Variants in ZC2HC1B observed in about 807,000 individuals in gnomAD.
ZC2HC1B encodes the protein zinc finger C2HC domain-containing protein 1B.
ZC2HC1B carries 36 observed loss-of-function variants against 31.0 expected under a neutral mutation model. That is an observed-to-expected ratio of 1.16 (90% CI 0.89 to 1.54). The LOEUF is 1.54. ZC2HC1B is among the 40% of genes most tolerant of loss of function. The pLI, the probability that ZC2HC1B is intolerant of heterozygous loss-of-function variation, is 0.00. For missense variants in ZC2HC1B, 260 were observed against 268.6 expected (o/e 0.97, Z 0.22); for synonymous variants, 73 against 88.0 (o/e 0.83, Z 0.95).
intron 6 of ZC2HC1B, among the ~76,000 whole-genome samples, chr6:143,931,519 A>G (rs976107044): frequency 3.9e-5 from 6 of 152,170 alleles, no homozygotes; most frequent in Admixed American, 2.0e-4. Context: ...TAGTGCTGGC[A>G]TGGTAGTGGT....
In ZC2HC1B at chr6:143,918,921, C is replaced by T. The variant is rs73000549; in HGVS notation, c.598+15769C>T. Among the ~76,000 whole-genome samples the T allele has an allele frequency of 2.6e-5, 4 of 152,022 alleles. No homozygotes were observed. The highest frequency in any genetic ancestry group is 4.2e-4 in the South Asian group (2 of 4,816). On this transcript the variant is annotated intron_variant, in intron 6 of 7. Transcript: ENST00000237275. This position sits in a 1 kb window ranked among gnomAD's most constrained non-coding sequence, Gnocchi z 4.1. ...TTGGTTTCTTTTCAGGATTTATCTT[C>T]GTGGATATTTCCATTTTGTTCATAG...
At chr6:143,881,393 A>G (rs534987552) in intron 1 of ZC2HC1B, among the ~76,000 whole-genome samples, 175 of 152,010 alleles carry the variant, frequency 1.2e-3, no homozygotes, top group African/African-American at 4.0e-3. Context: ...TCCACAAAAA[A>G]TAAAAAAGCT....
In ZC2HC1B at chr6:143,903,302, A is replaced by T. The variant is rs1777757918; in HGVS notation, c.598+150A>T. 1.5e-6 allele frequency: 1 copy of T among 677,274 alleles called. No individual in the cohort carries two copies. Among genetic ancestry groups the T allele is most frequent in the East Asian group, 2.8e-5 (1 of 36,340 alleles). The allele number at this position is 677,274 out of a possible 1,614,324, so 42.0% of individuals were successfully genotyped here. A position where few individuals can be genotyped will look rare whatever the true frequency, so the allele number is the denominator to read the frequency against. On this transcript the variant is annotated intron_variant, in intron 6 of 7. Transcript: ENST00000237275. The surrounding 1 kb of genome is among the most constrained non-coding windows in gnomAD (Gnocchi z 4.3). ...ATATTTGGGTTAGAGGTTAAAGCTT[A>T]TTTGCCAAAAGGGAATATTTCTTAA...
chr6:143,936,575 G>A (rs1778181012), intron 6 of ZC2HC1B, among the ~76,000 whole-genome samples: 1 of 152,196 alleles, frequency 6.6e-6, no homozygotes, highest in Non-Finnish European at 1.5e-5. Context: ...GCTGTTTTCT[G>A]GAGGCTTTTG....
intron 4 of ZC2HC1B, among the ~76,000 whole-genome samples, chr6:143,889,123 T>C (rs751965278): frequency 6.6e-6 from 1 of 152,058 alleles, no homozygotes; most frequent in Non-Finnish European, 1.5e-5. Context: ...AAGGTTCTTA[T>C]ATTATACATG....
chr6:143,930,544 C>T (rs1016014043), intron 6 of ZC2HC1B, among the ~76,000 whole-genome samples: 4 of 152,040 alleles, frequency 2.6e-5, no homozygotes, highest in East Asian at 1.9e-4. Context: ...CCCGCCACCA[C>T]GCCCGGCTAA....
rs780698876 is a variant in ZC2HC1B, at chr6:143,898,518, G to T, written c.350-34G>T. The T allele has an allele frequency of 4.9e-5, 76 of 1,548,904 alleles. 1 individual carries two copies. Among genetic ancestry groups the T allele is most frequent in the Middle Eastern group, 3.3e-4 (2 of 5,978 alleles). On this transcript the variant is annotated intron_variant, in intron 4 of 7. Coordinates refer to ENST00000237275, the MANE Select transcript of ZC2HC1B (RefSeq NM_001013623.3). ...AGTATTCTATAGTTGTTTTTGAAGTGCTAATTGCCATTTGTTGTTATCTTT... is the reference window on the plus strand; with the variant it reads ...AGTATTCTATAGTTGTTTTTGAAGTTCTAATTGCCATTTGTTGTTATCTTT...
At position 143,885,902 on chromosome 6, in the gene ZC2HC1B, C is replaced by A; in HGVS notation, c.91-130C>A. 9.8e-7 allele frequency: 1 copy of A among 1,021,280 alleles called. No homozygotes were observed. The highest frequency in any genetic ancestry group is 1.3e-6 in the Non-Finnish European group (1 of 760,648). 63.3% of individuals were successfully genotyped at this position (1,021,280 alleles called of 1,614,324 possible). ...GCCAGATGGATTTGCTCTGCTGTGA[C>A]CTGTTAGAGAATGAACTAGGCTCTG... On this transcript the variant is annotated intron_variant, in intron 2 of 7. Coordinates refer to ENST00000237275, the MANE Select transcript of ZC2HC1B (RefSeq NM_001013623.3). This position sits in a 1 kb window ranked among gnomAD's most constrained non-coding sequence, Gnocchi z 4.2.
In ZC2HC1B at chr6:143,937,753, G is replaced by A. The variant is rs118175463; in HGVS notation, c.*14+20G>A. On this transcript the variant is annotated intron_variant, in intron 7 of 7. Coordinates refer to ENST00000237275, the MANE Select transcript of ZC2HC1B (RefSeq NM_001013623.3). The stretch of plus-strand genomic sequence containing the variant: ...AGCCAGGTAAGAAAAAAAAATCACC[G>A]CTAATCCAGCTGTTGCTGACCAGTT... The A allele has an allele frequency of 1.3e-4, 191 of 1,511,196 alleles. 4 individuals carry two copies. In the South Asian group the frequency reaches 2.1e-3, roughly 17 times the overall value. The allele number at this position is 1,511,196 out of a possible 1,614,324, so 93.6% of individuals were successfully genotyped here.
intron 4 of ZC2HC1B, among the ~76,000 whole-genome samples, chr6:143,888,092 TAA>T (rs1777552350): frequency 1.3e-5 from 2 of 152,118 alleles, no homozygotes; most frequent in Admixed American, 6.5e-5. Flanking sequence ...GTGTGTAATA[TAA>T]GTTTCCAACA....
rs537864599 is a variant in ZC2HC1B, at chr6:143,893,373, C to T, written c.350-5179C>T. Among the ~76,000 whole-genome samples, 62 of 151,990 alleles carry T rather than the reference C, an allele frequency of 4.1e-4. 1 individual carries two copies. Among genetic ancestry groups the T allele is most frequent in the South Asian group, 4.2e-4 (2 of 4,808 alleles). On this transcript the variant is annotated intron_variant, in intron 4 of 7. Coordinates refer to ENST00000237275, the MANE Select transcript of ZC2HC1B (RefSeq NM_001013623.3). ...TGAGGCCGGGAGTTTGAGACCAGCCCGGCCAACATGGCAAAACCCTGTCTC... is the reference window on the plus strand; with the variant it reads ...TGAGGCCGGGAGTTTGAGACCAGCCTGGCCAACATGGCAAAACCCTGTCTC...
chr6:143,897,827 C>T (rs1189576482), intron 4 of ZC2HC1B, among the ~76,000 whole-genome samples: 1 of 152,208 alleles, frequency 6.6e-6, no homozygotes, highest in Non-Finnish European at 1.5e-5. Flanking sequence ...AACTCTGTAA[C>T]TTCTCTAAGA....
At chr6:143,867,327 G>C (rs1777276720) in intron 1 of ZC2HC1B, among the ~76,000 whole-genome samples, 1 of 152,114 alleles carries the variant, frequency 6.6e-6, no homozygotes, top group Non-Finnish European at 1.5e-5. Context: ...TTAGCTTTTT[G>C]AGGTCAGTGT....
chr6:143,919,788 C>T (rs916312183), intron 6 of ZC2HC1B, among the ~76,000 whole-genome samples: 6 of 152,158 alleles, frequency 3.9e-5, no homozygotes, highest in African/African-American at 1.4e-4. Flanking sequence ...TCTTACTGTT[C>T]AAGCCTTCCC....
rs904187306 is a variant in ZC2HC1B at position 143,923,692 on chromosome 6, T to C, written c.599-13957T>C. On this transcript the variant is annotated intron_variant, in intron 6 of 7. Coordinates refer to ENST00000237275, the MANE Select transcript of ZC2HC1B (RefSeq NM_001013623.3). This position sits in a 1 kb window ranked among gnomAD's most constrained non-coding sequence, Gnocchi z 4.8. ...TGGATATCCAGTTTTCCCTGTACCA[T>C]TATTGAAGAGGATGCCTTTCCCCAA... Among the ~76,000 whole-genome samples the C allele has an allele frequency of 2.6e-5, 4 of 152,156 alleles. No homozygotes were observed. Among genetic ancestry groups the C allele is most frequent in the Non-Finnish European group, 5.9e-5 (4 of 67,996 alleles).
In ZC2HC1B at chr6:143,871,517, C is replaced by T. The variant is rs571287043; in HGVS notation, c.28+6950C>T. 3.3e-5 allele frequency among the ~76,000 whole-genome samples: 5 copies of T among 152,310 alleles called. No homozygotes were observed. In the South Asian group the frequency reaches 6.2e-4, roughly 19 times the overall value. ...ATTGGCTCAAACAATGAAACCACAT[C>T]TGGTACAGCAGCTGCAGTTGGAGTC... On this transcript the variant is annotated intron_variant, in intron 1 of 7. Coordinates refer to ENST00000237275, the MANE Select transcript of ZC2HC1B (RefSeq NM_001013623.3). The surrounding 1 kb of genome is among the most constrained non-coding windows in gnomAD (Gnocchi z 4.1).
rs71024878 is a variant in ZC2HC1B at position 143,919,217 on chromosome 6, C to CTGTGTGTGTGTG, written c.598+16103_598+16114dup. Among the ~76,000 whole-genome samples, 28 of 123,694 alleles carry CTGTGTGTGTGTG rather than the reference C, an allele frequency of 2.3e-4. No homozygotes were observed. The East Asian group carries it at 4.9e-3, about 22-fold the overall frequency. 81.1% of individuals were successfully genotyped at this position (123,694 alleles called of 152,430 possible). The stretch of plus-strand genomic sequence containing the variant: ...TCCCTTCTGCAGGGTTTGCTATTCT[C>CTGTGTGTGTGTG]TGTGTGTGTGTGTGTGTGTGTGTGT... On this transcript the variant is annotated intron_variant, in intron 6 of 7. Coordinates refer to ENST00000237275, the MANE Select transcript of ZC2HC1B (RefSeq NM_001013623.3).
Position 143,871,043 on chromosome 6 carries a change from G to C in ZC2HC1B, c.28+6476G>C, listed in dbSNP as rs1777330113. On this transcript the variant is annotated intron_variant, in intron 1 of 7. Coordinates refer to ENST00000237275, the MANE Select transcript of ZC2HC1B (RefSeq NM_001013623.3). This position sits in a 1 kb window ranked among gnomAD's most constrained non-coding sequence, Gnocchi z 4.1. ...CACTAGACATTGTGCCTCTTTCTTGGTGGTAGGAGGGGCCAAATGCAGCAA... is the reference window on the plus strand; with the variant it reads ...CACTAGACATTGTGCCTCTTTCTTGCTGGTAGGAGGGGCCAAATGCAGCAA... 6.6e-6 allele frequency among the ~76,000 whole-genome samples: 1 copy of C among 152,116 alleles called. No homozygotes were observed. The highest frequency in any genetic ancestry group is 1.5e-5 in the Non-Finnish European group (1 of 68,022).
At chr6:143,902,798 C>CAAGGGCTT (rs1777751519) in intron 5 of ZC2HC1B, among the ~76,000 whole-genome samples, 1 of 152,134 alleles carries the variant, frequency 6.6e-6, no homozygotes, top group Non-Finnish European at 1.5e-5. Flanking sequence ...CCACCAACCC[C>CAAGGGCTT]AAGGGCTTAA....
Sources: gnomAD v4.1 joint callset for allele counts (sites outside exome capture counted in the v4.1 genomes callset) on GRCh38, gnomAD v4.1.1 for gene constraint, Gnocchi (gnomAD v3.1) non-coding constraint, MANE v1.5 for transcripts, NCBI Gene and HGNC (gene_info 2026-07-23, HGNC 2026-07-21) for gene names.